CPQ: variants seen among roughly 807,000 people sequenced by gnomAD.
CPQ encodes carboxypeptidase Q, also known as Ser-Met dipeptidase.
In CPQ, 37 loss-of-function variants were observed where a neutral mutation model predicts 45.7. That is an observed-to-expected ratio of 0.81 (90% CI 0.62 to 1.07). CPQ has a LOEUF of 1.07. Ranked by LOEUF, CPQ falls within the 50% of genes least tolerant of loss-of-function variation. The pLI, the probability that CPQ is intolerant of heterozygous loss-of-function variation, is 0.00. For synonymous variants in CPQ, 186 were observed against 205.8 expected (o/e 0.90, Z 0.82); for missense variants, 537 against 572.9 (o/e 0.94, Z 0.64).
chr8:96,855,077 T>C (rs1811829051), intron 3 of CPQ, among the ~76,000 whole-genome samples: 2 of 152,176 alleles, frequency 1.3e-5, no homozygotes, highest in Admixed American at 6.5e-5. Context: ...TCTCTCTTCC[T>C]TGGGGAGGGT....
intron 7 of CPQ, among the ~76,000 whole-genome samples, chr8:97,066,514 G>A (rs1810639301): frequency 6.6e-6 from 1 of 152,104 alleles, no homozygotes; most frequent in African/African-American, 2.4e-5. Flanking sequence ...TTTTAAGGAG[G>A]TATCTTTGGT....
chr8:96,907,524 A>C (rs1307430674), intron 4 of CPQ, among the ~76,000 whole-genome samples: 1 of 152,172 alleles, frequency 6.6e-6, no homozygotes, highest in Non-Finnish European at 1.5e-5. Context: ...AGAACGGGAG[A>C]ATGGGGTTGG....
intron 2 of CPQ, among the ~76,000 whole-genome samples, chr8:96,808,755 C>T (rs566229637): frequency 2.6e-5 from 4 of 152,136 alleles, no homozygotes; most frequent in Non-Finnish European, 4.4e-5. Flanking sequence ...CTCATGGTGA[C>T]CAACATTGTT....
At chr8:96,705,241 T>G (rs540045798) in intron 1 of CPQ, among the ~76,000 whole-genome samples, 1 of 152,178 alleles carries the variant, frequency 6.6e-6, no homozygotes, top group Non-Finnish European at 1.5e-5. Context: ...ATCACTTATT[T>G]TCTTGTCTTT....
chr8:97,030,310 T>C (rs1334052169), intron 6 of CPQ, among the ~76,000 whole-genome samples: 1 of 152,190 alleles, frequency 6.6e-6, no homozygotes, highest in South Asian at 2.1e-4. Context: ...TCTTGCAAGC[T>C]TAAATTATCC....
At chr8:96,717,506 A>G (rs1809697878) in intron 1 of CPQ, among the ~76,000 whole-genome samples, 1 of 152,128 alleles carries the variant, frequency 6.6e-6, no homozygotes, top group South Asian at 2.1e-4. Context: ...CTCAAGAACA[A>G]TATGATTTAT....
chr8:96,716,700 G>C (rs1441515046), intron 1 of CPQ, among the ~76,000 whole-genome samples: 1 of 152,078 alleles, frequency 6.6e-6, no homozygotes, highest in Non-Finnish European at 1.5e-5. Context: ...CTGAGGTCAG[G>C]AGTTTGAGAC....
intron 2 of CPQ, among the ~76,000 whole-genome samples, chr8:96,790,891 A>C (rs1364283873): frequency 6.6e-6 from 1 of 152,168 alleles, no homozygotes; most frequent in African/African-American, 2.4e-5. Context: ...CCATGCTGGA[A>C]GAATCACTGG....
At chr8:97,101,062 G>A (rs567475273) in intron 7 of CPQ, among the ~76,000 whole-genome samples, 54 of 152,128 alleles carry the variant, frequency 3.5e-4, no homozygotes, top group Non-Finnish European at 6.6e-4. Context: ...ACTCAACCAC[G>A]TTTGTATTGT....
At chr8:96,790,708 C>T (rs536330701) in intron 2 of CPQ, among the ~76,000 whole-genome samples, 118 of 152,224 alleles carry the variant, frequency 7.8e-4, no homozygotes, top group African/African-American at 2.8e-3. Context: ...GATCATGACC[C>T]AGATGCCACA....
chr8:97,042,900 T>G lies in CPQ; in HGVS notation c.1053+13406T>G, dbSNP rs898716313. 7.0e-3 allele frequency among the ~76,000 whole-genome samples: 1,066 copies of G among 152,338 alleles called. 13 individuals are homozygous for G. The highest frequency in any genetic ancestry group is 0.024 in the African/African-American group (1,004 of 41,562). ...TTACATTTGCTGAGGAGAGCTTTAC[T>G]TCCAACTATGTGGTCAATTTTTGAA... is the stretch of plus-strand genomic sequence containing the variant. On this transcript the variant is annotated intron_variant, in intron 6 of 7. Coordinates refer to ENST00000220763, the MANE Select transcript of CPQ (RefSeq NM_016134.4).
intron 1 of CPQ, among the ~76,000 whole-genome samples, chr8:96,750,437 C>G (rs918371471): frequency 1.3e-5 from 2 of 151,964 alleles, no homozygotes; most frequent in Admixed American, 6.6e-5. Flanking sequence ...TATGTATTAG[C>G]AAATTTAATG....
chr8:96,820,185 T>C (rs1811282165), intron 2 of CPQ, among the ~76,000 whole-genome samples: 1 of 152,024 alleles, frequency 6.6e-6, no homozygotes, highest in Non-Finnish European at 1.5e-5. Flanking sequence ...AAATGAGTTA[T>C]CGATCTGTAG....
chr8:97,039,460 C>CT (rs1316131497), intron 6 of CPQ, among the ~76,000 whole-genome samples: 1,452 of 144,146 alleles, frequency 0.01, 19 homozygotes, highest in African/African-American at 0.028. Flanking sequence ...AATTGTGATT[C>CT]TTTTTTTTTT....
At chr8:97,065,495 A>G (rs1406781956) in intron 6 of CPQ, among the ~76,000 whole-genome samples, 1 of 152,140 alleles carries the variant, frequency 6.6e-6, no homozygotes, top group Non-Finnish European at 1.5e-5. Flanking sequence ...TCAGAACCCC[A>G]AGACAAACCT....
chr8:96,832,373 C>T (rs1334095713), intron 2 of CPQ, among the ~76,000 whole-genome samples: 1 of 152,098 alleles, frequency 6.6e-6, no homozygotes, highest in Admixed American at 6.5e-5. Flanking sequence ...ACTGAACATT[C>T]ATGGAAATGC....
intron 4 of CPQ, among the ~76,000 whole-genome samples, chr8:96,883,839 C>G (rs1299936393): frequency 2.0e-5 from 3 of 152,214 alleles, no homozygotes; most frequent in Non-Finnish European, 4.4e-5. Context: ...TGAGAGCAGG[C>G]ACTCTGTTCA....
Position 96,930,464 on chromosome 8 carries a change from A to G in CPQ, c.850-35471A>G, listed in dbSNP as rs184975153. ...CTTTGGTTAGCTGTTTCCAAAGTGT[A>G]AGTGAGTCCTTCACAAACATGATTA... On this transcript the variant is annotated intron_variant, in intron 4 of 7. Coordinates refer to ENST00000220763, the MANE Select transcript of CPQ (RefSeq NM_016134.4). 1.4e-4 allele frequency among the ~76,000 whole-genome samples: 22 copies of G among 152,334 alleles called. 1 individual carries two copies. The highest frequency in any genetic ancestry group is 1.3e-3 in the East Asian group (7 of 5,190).
intron 5 of CPQ, among the ~76,000 whole-genome samples, chr8:96,994,009 TG>T (rs1809137190): frequency 6.6e-6 from 1 of 152,146 alleles, no homozygotes; most frequent in Non-Finnish European, 1.5e-5. Flanking sequence ...AGGGCCTAAC[TG>T]GTTAAGAGCT....
Sources: gnomAD v4.1 joint callset for allele counts (sites outside exome capture counted in the v4.1 genomes callset) on GRCh38, gnomAD v4.1.1 for gene constraint, MANE v1.5 for transcripts, NCBI Gene and HGNC (gene_info 2026-07-23, HGNC 2026-07-21) for gene names.